The following IL1RAPL2 variants were observed in gnomAD, a reference collection of about 807,000 sequenced individuals.
The protein encoded by IL1RAPL2 is interleukin 1 receptor accessory protein like 2.
Under a neutral mutation model 44.1 loss-of-function variants are expected in IL1RAPL2, and 3 were observed. The ratio of observed to expected loss-of-function variants is 0.07; its 90% CI spans 0.03 to 0.18. The LOEUF is 0.18. IL1RAPL2 is among the 10% of genes least tolerant of loss of function. IL1RAPL2 has a pLI of 1.00. For missense variants in IL1RAPL2, 391 were observed against 496.4 expected, an observed-to-expected ratio of 0.79 and a Z score of 2.02; for synonymous variants, 181 against 178.8, an observed-to-expected ratio of 1.01 and a Z score of -0.10.
intron 6 of IL1RAPL2, among the ~76,000 whole-genome samples, chrX:105,590,740 G>A (rs186155372): frequency 1.3e-3 from 147 of 110,306 alleles, no homozygotes; most frequent in Admixed American, 2.1e-3. Context: ...TTTTTCATGT[G>A]CTATACTGGA....
intron 2 of IL1RAPL2, among the ~76,000 whole-genome samples, chrX:104,931,955 TG>T (rs1924911353): frequency 1.0e-5 from 1 of 95,908 alleles, no homozygotes; most frequent in East Asian, 3.4e-4. Context: ...TGAGTGTGTG[TG>T]TGTGTGTGTG....
intron 6 of IL1RAPL2, among the ~76,000 whole-genome samples, chrX:105,650,716 T>C (rs962158042): frequency 1.8e-5 from 2 of 111,673 alleles, no homozygotes; most frequent in Admixed American, 9.5e-5. Context: ...TTAGCTCTAT[T>C]TGGGTTACTG....
intron 2 of IL1RAPL2, among the ~76,000 whole-genome samples, chrX:105,013,809 ATC>A (rs1296515256): frequency 9.0e-6 from 1 of 111,651 alleles, no homozygotes; most frequent in Non-Finnish European, 1.9e-5. Flanking sequence ...TTCCACATTG[ATC>A]TCTTTCTTCT....
At chrX:105,054,970 T>G (rs765491895) in intron 2 of IL1RAPL2, among the ~76,000 whole-genome samples, 1 of 112,707 alleles carries the variant, frequency 8.9e-6, no homozygotes, top group Non-Finnish European at 1.9e-5. Context: ...TATCAACCCA[T>G]TAAGATATCC....
chrX:105,524,726 A>T (rs1018670160), intron 6 of IL1RAPL2, among the ~76,000 whole-genome samples: 8 of 110,847 alleles, frequency 7.2e-5, no homozygotes, highest in African/African-American at 2.6e-4. Context: ...AAGAGACAAT[A>T]TTAATTAGAG....
At chrX:105,577,424 T>G (rs758773661) in intron 6 of IL1RAPL2, among the ~76,000 whole-genome samples, 5 of 110,921 alleles carry the variant, frequency 4.5e-5, no homozygotes, top group African/African-American at 1.6e-4. Context: ...GTTATAAGAT[T>G]TACCAAAGAC....
chrX:104,965,460 C>T (rs1253735794), intron 2 of IL1RAPL2, among the ~76,000 whole-genome samples: 1 of 111,342 alleles, frequency 9.0e-6, no homozygotes, highest in East Asian at 2.8e-4. Flanking sequence ...TGTATCACCA[C>T]AGGACTCTTG....
chrX:104,859,472 TCTC>T (rs1334181738), intron 2 of IL1RAPL2, among the ~76,000 whole-genome samples: 2 of 111,330 alleles, frequency 1.8e-5, no homozygotes, highest in Non-Finnish European at 3.8e-5. Context: ...AGTCTCACAG[TCTC>T]CTCATCTGCA....
chrX:105,101,520 T>TTAAG (rs1334812996), intron 2 of IL1RAPL2, among the ~76,000 whole-genome samples: 1 of 111,992 alleles, frequency 8.9e-6, no homozygotes, highest in Non-Finnish European at 1.9e-5. Context: ...TATTTGCATG[T>TTAAG]TAAGCCCTTA....
chrX:105,210,475 A>C (rs782077454), intron 3 of IL1RAPL2, among the ~76,000 whole-genome samples: 11 of 110,449 alleles, frequency 1.0e-4, no homozygotes, highest in African/African-American at 2.6e-4. Context: ...ATATCTGGAG[A>C]GATTTTTCGT....
chrX:104,689,971 TTATG>T (rs1270829017), intron 2 of IL1RAPL2, among the ~76,000 whole-genome samples: 1 of 112,426 alleles, frequency 8.9e-6, no homozygotes, highest in African/African-American at 3.2e-5. Context: ...GTACATTTAT[TTATG>T]AGAATAAATT....
chrX:105,522,162 T>C (rs752010034), intron 6 of IL1RAPL2, among the ~76,000 whole-genome samples: 3 of 111,917 alleles, frequency 2.7e-5, no homozygotes, highest in Non-Finnish European at 5.6e-5. Flanking sequence ...ATGGTAAGCT[T>C]ATAGGCAGCA....
At chrX:105,721,243 C>G (rs2038301546) in intron 7 of IL1RAPL2, among the ~76,000 whole-genome samples, 1 of 110,592 alleles carries the variant, frequency 9.0e-6, no homozygotes, top group African/African-American at 3.3e-5. Flanking sequence ...TGGTGAAACC[C>G]CGTCTCTACT....
At chrX:104,703,769 G>T (rs1931318412) in intron 2 of IL1RAPL2, among the ~76,000 whole-genome samples, 1 of 112,170 alleles carries the variant, frequency 8.9e-6, no homozygotes, top group African/African-American at 3.2e-5. Flanking sequence ...AAACACAGAG[G>T]CCGAGAGATG....
chrX:105,079,680 T>C (rs1362605222), intron 2 of IL1RAPL2, among the ~76,000 whole-genome samples: 2 of 109,851 alleles, frequency 1.8e-5, no homozygotes, highest in African/African-American at 6.6e-5. Context: ...TGTGTCTTTA[T>C]AGTAGAATGA....
chrX:105,279,015 A>C (rs1344149878), intron 5 of IL1RAPL2, among the ~76,000 whole-genome samples: 1 of 111,476 alleles, frequency 9.0e-6, no homozygotes, highest in African/African-American at 3.3e-5. Context: ...TCCCTCAATA[A>C]TTTTGCAAAA....
At chrX:105,653,963 A>T (rs767978365) in intron 6 of IL1RAPL2, among the ~76,000 whole-genome samples, 2 of 110,050 alleles carry the variant, frequency 1.8e-5, no homozygotes, top group South Asian at 7.8e-4. Flanking sequence ...GTGTCTGTGT[A>T]TGTGCACACA....
At chrX:104,713,357 G>T (rs980031684) in intron 2 of IL1RAPL2, among the ~76,000 whole-genome samples, 4 of 110,522 alleles carry the variant, frequency 3.6e-5, no homozygotes, top group Non-Finnish European at 7.6e-5. Context: ...TTTGTGATCA[G>T]CTTCCCTAAC....
At chrX:105,729,627 AT>A (rs1433831766) in intron 7 of IL1RAPL2, among the ~76,000 whole-genome samples, 2 of 109,726 alleles carry the variant, frequency 1.8e-5, no homozygotes, top group Non-Finnish European at 3.8e-5. Context: ...TTTTGCATAT[AT>A]TTTCTCCCAT....
Sources: gnomAD v4.1 joint callset for allele counts (sites outside exome capture counted in the v4.1 genomes callset) on GRCh38, gnomAD v4.1.1 for gene constraint, MANE v1.5 for transcripts, NCBI Gene and HGNC (gene_info 2026-07-23, HGNC 2026-07-21) for gene names.